The following UBN2 variants were observed in gnomAD, a reference collection of about 807,000 sequenced individuals.
The protein encoded by UBN2 is ubinuclein 2.
A neutral mutation model predicts 120.2 loss-of-function variants in UBN2; 35 were observed. The observed-to-expected ratio is 0.29, with a 90% CI of 0.22 to 0.39. UBN2 has a LOEUF of 0.39. UBN2 is among the 10% of genes least tolerant of loss of function. The pLI, the probability that UBN2 is intolerant of heterozygous loss-of-function variation, is 1.00. For synonymous variants in UBN2, 661 were observed against 648.7 expected, an observed-to-expected ratio of 1.02 and a Z score of -0.29; for missense variants, 1,693 against 1,663.2, an observed-to-expected ratio of 1.02 and a Z score of -0.31.
chr7:139,323,622 T>C, the UBN2 span, among the ~76,000 whole-genome samples: 2 of 150,486 alleles, frequency 1.3e-5, no homozygotes, highest in African/African-American at 4.9e-5. Flanking sequence ...GGAGTCTCAC[T>C]CTTACCACAC....
In UBN2 at chr7:139,289,093, C is replaced by T. The variant is rs531769798; in HGVS notation, c.3670-4139C>T. Among the ~76,000 whole-genome samples, 57 of 151,872 alleles carry T rather than the reference C, an allele frequency of 3.8e-4. No homozygotes were observed. The South Asian group carries it at 0.01, about 27-fold the overall frequency. ...CCCTGGGAATAAAATGTAGAGGTCACGGAAAGTATTTTTGATTATGGGGCA... is the reference window on the plus strand; with the variant it reads ...CCCTGGGAATAAAATGTAGAGGTCATGGAAAGTATTTTTGATTATGGGGCA... On this transcript the variant is annotated intron_variant, in intron 15 of 17. Coordinates refer to ENST00000473989, the MANE Select transcript of UBN2 (RefSeq NM_173569.4).
chr7:139,249,913 C>G (rs529614628), intron 2 of UBN2, among the ~76,000 whole-genome samples: 1 of 152,130 alleles, frequency 6.6e-6, no homozygotes, highest in African/African-American at 2.4e-5. Flanking sequence ...GTTGCCCAGG[C>G]TAGTCTCAAA....
chr7:139,294,098 T>C lies in UBN2; in HGVS notation c.3994+117T>C. 4.1e-6 allele frequency: 4 copies of C among 964,608 alleles called. No individual in the cohort carries two copies. The South Asian group carries it at 4.4e-5, about 11-fold the overall frequency. The allele number at this position is 964,608 out of a possible 1,614,324, so 59.8% of individuals were successfully genotyped here. ...AAAGGTTGGAAAATGCAAATTTTCA[T>C]AGACTGAATCCTCATTCCTCATTAG... On this transcript the variant is annotated intron_variant, in intron 17 of 17. Coordinates refer to ENST00000473989, the MANE Select transcript of UBN2 (RefSeq NM_173569.4).
intron 2 of UBN2, among the ~76,000 whole-genome samples, chr7:139,245,261 CT>C (rs1563204159): frequency 6.6e-6 from 1 of 152,052 alleles, no homozygotes; most frequent in African/African-American, 2.4e-5. Context: ...TCTTCAATGG[CT>C]ATTAACATTG....
rs766705096 is a variant in UBN2 at position 139,231,942 on chromosome 7, G to C, written c.458G>C (p.Gly153Ala). The change falls in exon 1 of 18, where the codon GGA becomes GCA. Residue 153 changes from glycine (G) to alanine (A), a missense_variant. Gly to Ala is a moderately conservative substitution (Grantham distance 60, BLOSUM62 0). Around this residue, in one of 5 missense-constraint regions of UBN2, gnomAD observed 663 missense variants for 591.2 expected, o/e 1.12. Coordinates refer to ENST00000473989, the MANE Select transcript of UBN2 (RefSeq NM_173569.4). ...EFSYPELLLC[G>A]EQRKKLIHTE... Reference sequence around the variant, plus strand: ...AGTTACCCGGAGCTGCTGCTGTGCGGAGAACAACGGGTACAGAAGATTCTT... The same window carrying C: ...AGTTACCCGGAGCTGCTGCTGTGCGCAGAACAACGGGTACAGAAGATTCTT... The C allele has an allele frequency of 6.3e-7, 1 of 1,581,472 alleles. No homozygotes were observed. Among genetic ancestry groups the C allele is most frequent in the South Asian group, 1.1e-5 (1 of 90,682 alleles).
At chr7:139,316,801 C>CT in the UBN2 span, among the ~76,000 whole-genome samples, 4 of 151,810 alleles carry the variant, frequency 2.6e-5, no homozygotes, top group Non-Finnish European at 4.4e-5. Flanking sequence ...AATTTCATTG[C>CT]TTTTTTGTCT....
At chr7:139,254,123 C>G (rs1164581366) in intron 3 of UBN2, among the ~76,000 whole-genome samples, 2 of 152,152 alleles carry the variant, frequency 1.3e-5, no homozygotes, top group Non-Finnish European at 2.9e-5. Context: ...GAAATCCCAT[C>G]TCTACTAAAA....
chr7:139,293,571 A>ATTTT, intron 16 of UBN2, 108 bp downstream of exon 16: 1 of 798,778 alleles, frequency 1.3e-6, no homozygotes, highest in Non-Finnish European at 1.9e-6. Flanking sequence ...TGAAGATTAT[A>ATTTT]GTTTTTTTTT....
chr7:139,240,454 A>ATATATATATTT (rs371717591), intron 2 of UBN2, among the ~76,000 whole-genome samples: 4 of 123,148 alleles, frequency 3.2e-5, no homozygotes, highest in African/African-American at 1.3e-4. Flanking sequence ...ATATATATAT[A>ATATATATATTT]TTTTTTTTTT....
intron 15 of UBN2, among the ~76,000 whole-genome samples, chr7:139,290,658 A>G (rs1189162601): frequency 6.6e-6 from 1 of 152,224 alleles, no homozygotes; most frequent in African/African-American, 2.4e-5. Context: ...CTTAACTCTC[A>G]GATATGCAGG....
At chr7:139,309,511 C>G (rs114249484), downstream of UBN2, among the ~76,000 whole-genome samples, 98 of 152,240 alleles carry the variant, frequency 6.4e-4, no homozygotes, top group African/African-American at 2.3e-3. Flanking sequence ...TTTTCACCAT[C>G]TTGTATGTTA....
rs1279236574 is a variant in UBN2, at chr7:139,231,425, G to A, written c.-60G>A. 5.7e-6 allele frequency: 7 copies of A among 1,230,202 alleles called. No homozygotes were observed. The highest frequency in any genetic ancestry group is 7.2e-6 in the Non-Finnish European group (7 of 967,120). 76.2% of individuals were successfully genotyped at this position (1,230,202 alleles called of 1,614,324 possible). A position where few individuals can be genotyped will look rare whatever the true frequency, so the allele number is the denominator to read the frequency against. On this transcript the variant is annotated 5_prime_UTR_variant, in exon 1 of 18. Transcript: ENST00000473989. ...AGCAAGAGGAAGGGCGGGCAGGCACGCAGCGCGCCGTAGAAGCGAGCGCCG... is the reference window on the plus strand; with the variant it reads ...AGCAAGAGGAAGGGCGGGCAGGCACACAGCGCGCCGTAGAAGCGAGCGCCG...
chr7:139,323,595 A>ATTATTATTATT, the UBN2 span, among the ~76,000 whole-genome samples: 2 of 124,388 alleles, frequency 1.6e-5, no homozygotes, highest in African/African-American at 6.6e-5. Flanking sequence ...TATTATTATT[A>ATTATTATTATT]TTATTATTTT....
At chr7:139,329,213 A>T in the UBN2 span, among the ~76,000 whole-genome samples, 1 of 149,702 alleles carries the variant, frequency 6.7e-6, no homozygotes. Context: ...TTCAAAAATA[A>T]GACTTGTTTC....
At chr7:139,294,686 C>T (rs1285434505) in intron 17 of UBN2, among the ~76,000 whole-genome samples, 1 of 152,110 alleles carries the variant, frequency 6.6e-6, no homozygotes, top group Non-Finnish European at 1.5e-5. Flanking sequence ...ATTAAAAATA[C>T]AAAAGTTAGC....
chr7:139,234,752 A>T (rs1796118082), intron 1 of UBN2, among the ~76,000 whole-genome samples: 1 of 152,240 alleles, frequency 6.6e-6, no homozygotes, highest in Non-Finnish European at 1.5e-5. Context: ...TGCTTAATTG[A>T]ACATTTACTG....
chr7:139,315,218 AC>A, the UBN2 span: 4 of 149,118 alleles, frequency 2.7e-5, no homozygotes, highest in African/African-American at 9.9e-5. Flanking sequence ...CTCGTGATCC[AC>A]CCGCCTCTGC....
the UBN2 span, among the ~76,000 whole-genome samples, chr7:139,319,701 A>C: frequency 6.6e-6 from 1 of 152,054 alleles, no homozygotes; most frequent in East Asian, 1.9e-4. Flanking sequence ...CCTCCTTCTG[A>C]CCTCCAGTTA....
rs1331438891 is a variant in UBN2, at chr7:139,231,246, T to C, written c.-239T>C. 6.6e-6 allele frequency among the ~76,000 whole-genome samples: 1 copy of C among 152,216 alleles called. No individual in the cohort carries two copies. The highest frequency in any genetic ancestry group is 2.4e-5 in the African/African-American group (1 of 41,470). ...GCGCCCGCTCAGCGGCCTGCTTCTATTTATGTGGGGGATCCAACATGGCGG... is the reference window on the plus strand; with the variant it reads ...GCGCCCGCTCAGCGGCCTGCTTCTACTTATGTGGGGGATCCAACATGGCGG... On this transcript the variant is annotated 5_prime_UTR_variant, in exon 1 of 18. Coordinates refer to ENST00000473989, the MANE Select transcript of UBN2 (RefSeq NM_173569.4).
Sources: allele counts gnomAD v4.1 joint callset (sites outside exome capture counted in the v4.1 genomes callset), GRCh38; gene constraint gnomAD v4.1.1; regional missense constraint gnomAD v4.1.1; transcripts MANE v1.5; gene names NCBI Gene and HGNC (gene_info 2026-07-23, HGNC 2026-07-21).